The following COL4A1 variants were observed in gnomAD, a reference collection of about 807,000 sequenced individuals.
COL4A1 encodes the protein collagen alpha-1(IV) chain.
In COL4A1, 40 loss-of-function variants were observed where a neutral mutation model predicts 216.6. That is an observed-to-expected ratio of 0.18 (90% CI 0.14 to 0.24). The LOEUF (loss-of-function observed/expected upper bound fraction) is 0.24. COL4A1 is among the 10% of genes least tolerant of loss of function. The pLI is 1.00. For missense variants in COL4A1, 1,628 were observed against 2,196.8 expected (o/e 0.74, Z 5.18); for synonymous variants, 839 against 810.7 (o/e 1.03, Z -0.59).
chr13:110,160,919 G>A, intron 49 of COL4A1: 1 of 458,332 alleles, frequency 2.2e-6, no homozygotes, highest in Non-Finnish European at 4.0e-6. Context: ...ATCTTGCCCA[G>A]GCTGGTCTTG....
At chr13:110,237,327 T>C (rs1031356824) in intron 2 of COL4A1, among the ~76,000 whole-genome samples, 3 of 152,184 alleles carry the variant, frequency 2.0e-5, no homozygotes, top group African/African-American at 7.2e-5. Flanking sequence ...TTGTCTTTTA[T>C]TAGCTATAGA....
chr13:110,182,924 C>T, intron 28 of COL4A1, 69 bp downstream of exon 28: 1 of 1,444,620 alleles, frequency 6.9e-7, no homozygotes, highest in East Asian at 2.4e-5. Flanking sequence ...GTTTTGATGT[C>T]TACCACCTCC....
At chr13:110,194,931 C>T in intron 22 of COL4A1, 92 bp downstream of exon 22, 1 of 1,023,782 alleles carries the variant, frequency 9.8e-7, no homozygotes, top group Non-Finnish European at 1.5e-6. Flanking sequence ...TAACTCTGCC[C>T]ACCCCCACTT....
At chr13:110,303,393 C>A (rs753985063) in intron 1 of COL4A1, among the ~76,000 whole-genome samples, 1 of 152,054 alleles carries the variant, frequency 6.6e-6, no homozygotes, top group African/African-American at 2.4e-5. Flanking sequence ...CTAAACCCTG[C>A]CCTTCCAATT....
At chr13:110,271,191 T>A (rs1402576656) in intron 1 of COL4A1, among the ~76,000 whole-genome samples, 3 of 152,080 alleles carry the variant, frequency 2.0e-5, no homozygotes, top group Non-Finnish European at 4.4e-5. Flanking sequence ...AACTAACAAA[T>A]GAGACGGGAT....
At chr13:110,212,052 C>T (rs1235836590) in intron 6 of COL4A1, 130 bp from the exon 7 acceptor site, 8 of 969,944 alleles carry the variant, frequency 8.2e-6, no homozygotes, top group Non-Finnish European at 1.0e-5. Flanking sequence ...CAGTTTGTCA[C>T]AAGCTGTGCT....
At chr13:110,236,714 G>A (rs905166379) in intron 2 of COL4A1, among the ~76,000 whole-genome samples, 2 of 152,224 alleles carry the variant, frequency 1.3e-5, no homozygotes, top group Non-Finnish European at 2.9e-5. Context: ...CCGAAAGGCA[G>A]GGGCTGTGGG....
chr13:110,254,464 T>G (rs892485828), intron 1 of COL4A1, among the ~76,000 whole-genome samples: 2 of 152,158 alleles, frequency 1.3e-5, no homozygotes, highest in Admixed American at 6.5e-5. Flanking sequence ...CCATGTTCTA[T>G]TTATCCCACT....
intron 1 of COL4A1, among the ~76,000 whole-genome samples, chr13:110,294,739 C>G (rs1309910004): frequency 1.3e-5 from 2 of 152,164 alleles, no homozygotes; most frequent in African/African-American, 4.8e-5. Context: ...AGAGGGATAT[C>G]CTTTTAAATA....
Position 110,195,137 on chromosome 13 carries a change from A to G in COL4A1, c.1286-19T>C, listed in dbSNP as rs548804610. 10 of 1,606,888 alleles carry G rather than the reference A, an allele frequency of 6.2e-6. No homozygotes were observed. In the African/African-American group the frequency reaches 1.2e-4, roughly 19 times the overall value. On this transcript the variant is annotated intron_variant, in intron 21 of 51. Transcript: ENST00000375820. Reference sequence around the variant, plus strand: ...ATTCCATCTGAAATTGAGTTGTCAGAGTTATAGGATCATAGCTAGGTGTTT... The same window carrying G: ...ATTCCATCTGAAATTGAGTTGTCAGGGTTATAGGATCATAGCTAGGTGTTT...
In COL4A1 at chr13:110,178,239, T is replaced by G; in HGVS notation, c.2459-8A>C. The G allele has an allele frequency of 6.2e-7, 1 of 1,613,656 alleles. No individual in the cohort carries two copies. Among genetic ancestry groups the G allele is most frequent in the African/African-American group, 1.3e-5 (1 of 75,040 alleles). On this transcript the variant is annotated splice_polypyrimidine_tract_variant and splice_region_variant and intron_variant, in intron 31 of 51. Transcript: ENST00000375820. ...CTTTTATTCCAGGAGGGCCTGCAGT[T>G]GGGTGAAACACAAATAACTTTTAGC...
chr13:110,218,130 A>G (rs946377983), intron 2 of COL4A1, among the ~76,000 whole-genome samples: 3 of 152,330 alleles, frequency 2.0e-5, no homozygotes, highest in South Asian at 2.1e-4. Context: ...ATGTGGGGGG[A>G]AAATATAATT....
intron 2 of COL4A1, among the ~76,000 whole-genome samples, chr13:110,222,505 G>T (rs189699991): frequency 1.5e-5 from 2 of 136,612 alleles, no homozygotes; most frequent in African/African-American, 2.5e-5. Flanking sequence ...CGGGCGCGGT[G>T]GCTCACGCCT....
At chr13:110,306,684 G>C (rs1445677335) in intron 1 of COL4A1, among the ~76,000 whole-genome samples, 2 of 152,220 alleles carry the variant, frequency 1.3e-5, no homozygotes, top group Non-Finnish European at 2.9e-5. Context: ...CCGCCACAGC[G>C]CGGGCTGTTT....
intron 20 of COL4A1, among the ~76,000 whole-genome samples, chr13:110,200,285 T>G (rs1879126124): frequency 6.6e-6 from 1 of 152,180 alleles, no homozygotes; most frequent in South Asian, 2.1e-4. Context: ...AGCGAGCCTC[T>G]GCAAAGCGCA....
intron 1 of COL4A1, among the ~76,000 whole-genome samples, chr13:110,282,353 G>T (rs926923113): frequency 3.9e-5 from 6 of 152,158 alleles, no homozygotes; most frequent in Non-Finnish European, 7.3e-5. Flanking sequence ...AAGGGAAGCT[G>T]GTGGTGACTC....
intron 43 of COL4A1, among the ~76,000 whole-genome samples, chr13:110,168,738 C>G (rs544893410): frequency 1.1e-4 from 16 of 152,324 alleles, no homozygotes; most frequent in Admixed American, 2.6e-4. Flanking sequence ...AAGAACCCCG[C>G]TTGCTCCAAC....
At chr13:110,161,817 C>CAG in intron 48 of COL4A1, 1 of 323,190 alleles carries the variant, frequency 3.1e-6, no homozygotes, top group African/African-American at 2.1e-5. Context: ...ACTAGAGGAG[C>CAG]AGAGCTCAGC....
intron 1 of COL4A1, among the ~76,000 whole-genome samples, chr13:110,247,835 G>GTGTGTGTGTGTGTGT (rs765744265): frequency 7.3e-5 from 7 of 96,480 alleles, no homozygotes; most frequent in Admixed American, 1.2e-4. Flanking sequence ...GTGTGTGTGT[G>GTGTGTGTGTGTGTGT]GCAGAGAGAG....
Sources: allele counts gnomAD v4.1 joint callset (sites outside exome capture counted in the v4.1 genomes callset), GRCh38; gene constraint gnomAD v4.1.1; transcripts MANE v1.5; gene names NCBI Gene and HGNC (gene_info 2026-07-23, HGNC 2026-07-21).